ZSWIM4: variants seen among roughly 807,000 people sequenced by gnomAD.
ZSWIM4 encodes the protein zinc finger SWIM-type containing 4, also known as zinc finger SWIM domain-containing protein 4.
A neutral mutation model predicts 102.5 loss-of-function variants in ZSWIM4; 62 were observed. That is an observed-to-expected ratio of 0.60 (90% CI 0.49 to 0.75). ZSWIM4 has a LOEUF of 0.75. ZSWIM4 is among the 30% of genes least tolerant of loss of function. The pLI is 0.00. For missense variants in ZSWIM4, 1,280 were observed against 1,529.6 expected, an observed-to-expected ratio of 0.84 and a Z score of 2.72; for synonymous variants, 652 against 674.5, an observed-to-expected ratio of 0.97 and a Z score of 0.52.
At chr19:13,804,733 C>A in intron 2 of ZSWIM4, 59 bp from the exon 3 acceptor site, 5 of 1,446,256 alleles carry the variant, frequency 3.5e-6, no homozygotes, top group Non-Finnish European at 4.7e-6. Context: ...TTGCTGTGTA[C>A]CACAAACACC....
At chr19:13,828,198 C>A (rs1975662792) in intron 12 of ZSWIM4, among the ~76,000 whole-genome samples, 1 of 152,086 alleles carries the variant, frequency 6.6e-6, no homozygotes, top group Non-Finnish European at 1.5e-5. Flanking sequence ...CACTTGAGGT[C>A]AGGAGTTCGA....
chr19:13,819,529 TG>T lies in ZSWIM4; in HGVS notation c.2060+43del, dbSNP rs1975404053. On this transcript the variant is annotated intron_variant, in intron 10 of 13. Coordinates refer to ENST00000590508, the MANE Select transcript of ZSWIM4 (RefSeq NM_001367834.3). The stretch of plus-strand genomic sequence containing the variant: ...TGGCCAAGGCAGTGGCAGGGGGAGC[TG>T]GGGGGAAGAGGGGCGGGCATGGGGG... The T allele has an allele frequency of 4.0e-6, 5 of 1,258,094 alleles. No individual in the cohort carries two copies. The African/African-American group carries it at 6.0e-5, about 15-fold the overall frequency. The allele number at this position is 1,258,094 out of a possible 1,614,324, so 77.9% of individuals were successfully genotyped here. A position where few individuals can be genotyped will look rare whatever the true frequency, so the allele number is the denominator to read the frequency against.
intron 3 of ZSWIM4, among the ~76,000 whole-genome samples, chr19:13,805,980 A>AAAAAG (rs1334688967): frequency 1.3e-5 from 2 of 151,224 alleles, no homozygotes; most frequent in Non-Finnish European, 2.9e-5. Context: ...CCAAAAAAAA[A>AAAAAG]AAAAGCGTTC....
At chr19:13,823,529 T>C (rs1975526740) in intron 11 of ZSWIM4, 29 bp downstream of exon 11, 1 of 1,550,588 alleles carries the variant, frequency 6.4e-7, no homozygotes, top group East Asian at 2.4e-5. Flanking sequence ...CCGATTCCTT[T>C]GTCTTCCTCC....
rs769810063 is a variant in ZSWIM4 at position 13,809,199 on chromosome 19, C to A, written c.991C>A (p.Arg331=). The A allele has an allele frequency of 6.2e-7, 1 of 1,609,380 alleles. No homozygotes were observed. Among genetic ancestry groups the A allele is most frequent in the Non-Finnish European group, 8.5e-7 (1 of 1,178,226 alleles). ...QQGAGMTDKC[R]QLWDELGALW... The stretch of plus-strand genomic sequence containing the variant: ...GGGCGCGGGCATGACGGACAAGTGC[C>A]GGCAGCTCTGGGATGAGCTGGGTGA... The change falls in exon 5 of 14, where the codon CGG becomes AGG. Residue 331 remains arginine (R), a synonymous_variant. Coordinates refer to ENST00000590508, the MANE Select transcript of ZSWIM4 (RefSeq NM_001367834.3). This position sits in a 1 kb window ranked among gnomAD's most constrained non-coding sequence, Gnocchi z 4.2.
chr19:13,827,223 G>T (rs1299969919), intron 12 of ZSWIM4, among the ~76,000 whole-genome samples: 1 of 151,358 alleles, frequency 6.6e-6, no homozygotes, highest in Non-Finnish European at 1.5e-5. Context: ...GGAGTTTGAG[G>T]CTGCAGCAGT....
intron 1 of ZSWIM4, 152 bp downstream of exon 1, chr19:13,795,953 A>G: frequency 2.5e-6 from 1 of 402,128 alleles, no homozygotes; most frequent in Non-Finnish European, 3.8e-6. Flanking sequence ...CCCTGCCTGG[A>G]AACACCCCCT....
chr19:13,813,292 T>C, intron 6 of ZSWIM4, 128 bp downstream of exon 6: 1 of 789,104 alleles, frequency 1.3e-6, no homozygotes, highest in Non-Finnish European at 1.9e-6. Context: ...CCCCAGTCCT[T>C]GGCTGTTCTT....
intron 8 of ZSWIM4, 138 bp downstream of exon 8, chr19:13,817,491 C>T: frequency 8.1e-7 from 1 of 1,229,660 alleles, no homozygotes; most frequent in Non-Finnish European, 1.1e-6. Context: ...CCTCCTCTGG[C>T]CAGTGCCCAG....
chr19:13,830,512 A>G lies in ZSWIM4; in HGVS notation c.2783A>G (p.Tyr928Cys). The G allele has an allele frequency of 6.3e-7, 1 of 1,599,894 alleles. No individual in the cohort carries two copies. ...GHAHLFTVAR[Y>C]MEHRGLPLRA... Reference sequence around the variant, plus strand: ...GCCCACCTCTTCACTGTGGCCCGCTATATGGAGCACCGCGGGCTGCCGCTC... The same window carrying G: ...GCCCACCTCTTCACTGTGGCCCGCTGTATGGAGCACCGCGGGCTGCCGCTC... The change falls in exon 14 of 14, where the codon TAT (tyrosine) becomes TGT (cysteine). Residue 928 changes from tyrosine to cysteine, a missense_variant. Physicochemically the swap from Tyr to Cys is radical, Grantham distance 194. Coordinates refer to ENST00000590508, the MANE Select transcript of ZSWIM4 (RefSeq NM_001367834.3).
intron 3 of ZSWIM4, among the ~76,000 whole-genome samples, chr19:13,807,948 C>G (rs769844703): frequency 6.6e-6 from 1 of 152,106 alleles, no homozygotes; most frequent in Non-Finnish European, 1.5e-5. Context: ...GTTCTGCAAG[C>G]TACACAGGCT....
In ZSWIM4 at chr19:13,814,539, C is replaced by T. The variant is rs995094038; in HGVS notation, c.1205C>T (p.Ala402Val). The stretch of plus-strand genomic sequence containing the variant: ...GGCTCGGAGGAAGAGGAAGAGGTGG[C>T]AGCCACAAGTCCCCGCCACACGGTA... ...APGSEEEEEVAATSPRHTVFG... is the reference protein window; with the variant it reads ...APGSEEEEEVVATSPRHTVFG... Residue 402 changes from alanine (A) to valine (V), a missense_variant, in exon 7 of 14, where the codon GCA (alanine) becomes GTA (valine). Physicochemically the swap from Ala to Val is moderately conservative, Grantham distance 64. Transcript: ENST00000590508. 8.6e-6 allele frequency: 10 copies of T among 1,156,174 alleles called. No individual in the cohort carries two copies. The highest frequency in any genetic ancestry group is 7.2e-5 in the East Asian group (1 of 13,910). The allele number at this position is 1,156,174 out of a possible 1,614,324, so 71.6% of individuals were successfully genotyped here.
Position 13,795,818 on chromosome 19 carries a change from G to T in ZSWIM4, c.153+17G>T. The T allele has an allele frequency of 1.6e-6, 2 of 1,237,300 alleles. No individual in the cohort carries two copies. Among genetic ancestry groups the T allele is most frequent in the South Asian group, 3.8e-5 (1 of 26,152 alleles). The allele number at this position is 1,237,300 out of a possible 1,614,324, so 76.6% of individuals were successfully genotyped here. On this transcript the variant is annotated intron_variant, in intron 1 of 13. Coordinates refer to ENST00000590508, the MANE Select transcript of ZSWIM4 (RefSeq NM_001367834.3). ...TTCGAGCAGGTGACCGCGGGGGAAG[G>T]GGGCGGGGGCAGGGACGCACCCCCA...
Position 13,830,710 on chromosome 19 carries a change from C to T in ZSWIM4, c.2981C>T (p.Pro994Leu), listed in dbSNP as rs759449847. 1.9e-6 allele frequency: 3 copies of T among 1,607,874 alleles called. No individual in the cohort carries two copies. In the East Asian group the frequency reaches 6.7e-5, roughly 36 times the overall value. Residue 994 changes from proline to leucine, a missense_variant, in exon 14 of 14, where the codon CCA (proline) becomes CTA (leucine). Physicochemically the swap from Pro to Leu is moderately conservative, Grantham distance 98. Coordinates refer to ENST00000590508, the MANE Select transcript of ZSWIM4 (RefSeq NM_001367834.3). ...ATCATTCGCAGCATCCACTGTGCCC[C>T]AATGCTGTCCGATATTCTGCGCCGC... ...PLIIRSIHCA[P>L]MLSDILRRWT...
intron 12 of ZSWIM4, among the ~76,000 whole-genome samples, chr19:13,826,422 G>A (rs74516223): frequency 3.9e-5 from 6 of 152,190 alleles, no homozygotes; most frequent in South Asian, 2.1e-4. Flanking sequence ...CTGGCCTGGC[G>A]GAAGGTCTTG....
chr19:13,801,685 TTTC>T (rs756490333), intron 2 of ZSWIM4, among the ~76,000 whole-genome samples: 3 of 121,796 alleles, frequency 2.5e-5, no homozygotes, highest in Admixed American at 1.5e-4. Context: ...TTTTTTTTTT[TTTC>T]CGAGATGGAG....
In ZSWIM4 at chr19:13,809,086, G is replaced by T; in HGVS notation, c.878G>T (p.Arg293Leu). ...CCGGCACAGGTGCGGGAGATGCTGC[G>T]AATGCGGGACTCCAACGGGGCGCGC... ...SMFSKVREMLRMRDSNGARML... is the reference protein window; with the variant it reads ...SMFSKVREMLLMRDSNGARML... Residue 293 changes from arginine (R) to leucine (L), a missense_variant, in exon 5 of 14, where the codon CGA (arginine) becomes CTA (leucine). Coordinates refer to ENST00000590508, the MANE Select transcript of ZSWIM4 (RefSeq NM_001367834.3). The surrounding 1 kb of genome is among the most constrained non-coding windows in gnomAD (Gnocchi z 4.2). The T allele has an allele frequency of 6.2e-7, 1 of 1,613,148 alleles. No homozygotes were observed. Among genetic ancestry groups the T allele is most frequent in the Non-Finnish European group, 8.5e-7 (1 of 1,179,402 alleles).
chr19:13,821,178 G>A (rs979743307), intron 10 of ZSWIM4, among the ~76,000 whole-genome samples: 8 of 152,050 alleles, frequency 5.3e-5, no homozygotes, highest in East Asian at 1.9e-4. Flanking sequence ...CAGCTACTCC[G>A]GAGGCTGAGA....
At chr19:13,821,730 T>C (rs1307557864) in intron 10 of ZSWIM4, among the ~76,000 whole-genome samples, 2 of 152,144 alleles carry the variant, frequency 1.3e-5, no homozygotes. Context: ...TAAATTTTTT[T>C]TTTTTTGAGA....
Sources: allele counts gnomAD v4.1 joint callset (sites outside exome capture counted in the v4.1 genomes callset), GRCh38; gene constraint gnomAD v4.1.1; non-coding constraint Gnocchi (gnomAD v3.1); transcripts MANE v1.5; gene names NCBI Gene and HGNC (gene_info 2026-07-23, HGNC 2026-07-21).